Variants in ZNF26 observed in about 807,000 individuals in gnomAD.
ZNF26 encodes the protein zinc finger protein 26, also known as epididymis luminal protein 179.
Under a neutral mutation model 54.9 loss-of-function variants are expected in ZNF26, and 32 were observed. The ratio of observed to expected loss-of-function variants is 0.58; its 90% CI spans 0.44 to 0.78. ZNF26 has a LOEUF of 0.78. Ranked by LOEUF, ZNF26 falls within the 30% of genes least tolerant of loss-of-function variation. The probability of loss-of-function intolerance (pLI) is 0.00; values close to 1 mark genes in which losing one functional copy is unlikely to be tolerated. For synonymous variants in ZNF26, 221 were observed against 209.2 expected, an observed-to-expected ratio of 1.06 and a Z score of -0.49; for missense variants, 524 against 634.0, an observed-to-expected ratio of 0.83 and a Z score of 1.86.
In ZNF26 at chr12:133,020,268, A is replaced by G. The variant is rs1745008422; in HGVS notation, c.*8787A>G. The G allele has an allele frequency of 6.6e-6, 1 of 152,218 alleles. No individual in the cohort carries two copies. Among genetic ancestry groups the G allele is most frequent in the East Asian group, 1.9e-4 (1 of 5,208 alleles). The allele number at this position is 152,218 out of a possible 1,614,324, so 9.4% of individuals were successfully genotyped here. A position where few individuals can be genotyped will look rare whatever the true frequency, so the allele number is the denominator to read the frequency against. Reference sequence around the variant, plus strand: ...AATAAGTGAAATAAGCCAAGCACAGAAAGACAAATATTGCATGTTCTCACT... The same window carrying G: ...AATAAGTGAAATAAGCCAAGCACAGGAAGACAAATATTGCATGTTCTCACT... On this transcript the variant is annotated 3_prime_UTR_variant, in exon 4 of 4. Coordinates refer to ENST00000328654, the MANE Select transcript of ZNF26 (RefSeq NM_019591.4).
chr12:132,997,231 A>G (rs932391515), intron 1 of ZNF26, among the ~76,000 whole-genome samples: 1 of 152,242 alleles, frequency 6.6e-6, no homozygotes, highest in African/African-American at 2.4e-5. Context: ...TGAACTTCCA[A>G]GATGGAGTCC....
rs1251858540 is a variant in ZNF26 at position 133,024,468 on chromosome 12, C to T, written c.*12987C>T. On this transcript the variant is annotated 3_prime_UTR_variant, in exon 4 of 4. Transcript: ENST00000328654. The stretch of plus-strand genomic sequence containing the variant: ...TTTTCTAGACCCAGTGTTCAGGATG[C>T]TACCTGGCTCCTCATTGCTTATAAT... 1.3e-5 allele frequency: 2 copies of T among 152,134 alleles called. No individual in the cohort carries two copies. Among genetic ancestry groups the T allele is most frequent in the African/African-American group, 4.8e-5 (2 of 41,424 alleles). The allele number at this position is 152,134 out of a possible 1,614,324, so 9.4% of individuals were successfully genotyped here.
chr12:133,009,807 G>A (rs978014591), intron 3 of ZNF26, among the ~76,000 whole-genome samples: 54 of 152,180 alleles, frequency 3.5e-4, no homozygotes, highest in African/African-American at 9.2e-4. Context: ...AGGTTCAAGC[G>A]ATTCTTCTGC....
rs1174428700 is a variant in ZNF26 at position 133,001,021 on chromosome 12, C to A, written c.34-6021C>A. ...GAAGCAGCCACTTTGGGCTCCGTTT[C>A]GTCTTCTGCTGTCGACCTCCAGCTT... is the stretch of plus-strand genomic sequence containing the variant. On this transcript the variant is annotated intron_variant, in intron 1 of 3. Transcript: ENST00000328654. The surrounding 1 kb of genome is among the most constrained non-coding windows in gnomAD (Gnocchi z 4.7). 2.0e-5 allele frequency among the ~76,000 whole-genome samples: 3 copies of A among 152,172 alleles called. No individual in the cohort carries two copies. The highest frequency in any genetic ancestry group is 4.4e-5 in the Non-Finnish European group (3 of 68,034).
Position 133,014,876 on chromosome 12 carries a change from A to G in ZNF26, c.*3395A>G, listed in dbSNP as rs1216404379. On this transcript the variant is annotated 3_prime_UTR_variant, in exon 4 of 4. Transcript: ENST00000328654. ...GATGGTTTTAAAAGTTAGCTGTAGC[A>G]GCTAAGGCAAGACCAGATCCAACAC... 6.6e-6 allele frequency: 1 copy of G among 152,150 alleles called. No individual in the cohort carries two copies. Among genetic ancestry groups the G allele is most frequent in the Non-Finnish European group, 1.5e-5 (1 of 68,020 alleles). 9.4% of individuals were successfully genotyped at this position (152,150 alleles called of 1,614,324 possible).
chr12:132,991,869 C>A (rs1952969200), intron 1 of ZNF26, among the ~76,000 whole-genome samples: 1 of 151,948 alleles, frequency 6.6e-6, no homozygotes, highest in Non-Finnish European at 1.5e-5. Context: ...TATCTGTGGC[C>A]GGGCCTGGCG....
At chr12:133,000,981 C>T (rs1953207262) in intron 1 of ZNF26, among the ~76,000 whole-genome samples, 1 of 152,174 alleles carries the variant, frequency 6.6e-6, no homozygotes, top group South Asian at 2.1e-4. Context: ...TTCCCTCTTC[C>T]ATCCTGTGTC....
In ZNF26 at chr12:133,010,993, T is replaced by C; in HGVS notation, c.1114T>C (p.Cys372Arg). Residue 372 changes from cysteine to arginine, a missense_variant, in exon 4 of 4, where the codon TGC (cysteine) becomes CGC (arginine). Cys to Arg is a radical substitution (Grantham distance 180). Coordinates refer to ENST00000328654, the MANE Select transcript of ZNF26 (RefSeq NM_019591.4). ...TCACACAGGAAATAATCCTTATCAA[T>C]GCGGTGAATGTGGGAAAGCCTTTGG... ...GVHTGNNPYQ[C>R]GECGKAFGRK... 1 of 1,614,108 alleles carries C rather than the reference T, an allele frequency of 6.2e-7. No homozygotes were observed. Among genetic ancestry groups the C allele is most frequent in the Non-Finnish European group, 8.5e-7 (1 of 1,180,018 alleles).
rs1953587608 is a variant in ZNF26 at position 133,017,895 on chromosome 12, G to A, written c.*6414G>A. On this transcript the variant is annotated 3_prime_UTR_variant, in exon 4 of 4. Transcript: ENST00000328654. ...GTGGTGGCGGGCGCCTGTAGTCCCA[G>A]CTACTCGGGAGGCTGAGGCAGGAGA... 1 of 152,218 alleles carries A rather than the reference G, an allele frequency of 6.6e-6. No individual in the cohort carries two copies. Among genetic ancestry groups the A allele is most frequent in the South Asian group, 2.1e-4 (1 of 4,832 alleles). The allele number at this position is 152,218 out of a possible 1,614,324, so 9.4% of individuals were successfully genotyped here.
At position 133,011,649 on chromosome 12, in the gene ZNF26, A is replaced by G; in HGVS notation, c.*168A>G. ...TAAAAGCTTTCAGAAATAAGTTACA[A>G]ATCTTTGTAGATGAAAATAATGGAA... is the stretch of plus-strand genomic sequence containing the variant. On this transcript the variant is annotated 3_prime_UTR_variant, in exon 4 of 4. Coordinates refer to ENST00000328654, the MANE Select transcript of ZNF26 (RefSeq NM_019591.4). 1.9e-6 allele frequency: 1 copy of G among 533,582 alleles called. No individual in the cohort carries two copies. Among genetic ancestry groups the G allele is most frequent in the Non-Finnish European group, 3.0e-6 (1 of 329,584 alleles). 33.1% of individuals were successfully genotyped at this position (533,582 alleles called of 1,614,324 possible). A position where few individuals can be genotyped will look rare whatever the true frequency, so the allele number is the denominator to read the frequency against.
At chr12:132,998,525 G>A (rs1182726570) in intron 1 of ZNF26, among the ~76,000 whole-genome samples, 1 of 152,176 alleles carries the variant, frequency 6.6e-6, no homozygotes, top group Non-Finnish European at 1.5e-5. Context: ...AAGGCCAGAA[G>A]CCAAGCCAAG....
chr12:133,003,806 G>C (rs1364758218), intron 1 of ZNF26, among the ~76,000 whole-genome samples: 1 of 152,188 alleles, frequency 6.6e-6, no homozygotes, highest in South Asian at 2.1e-4. Flanking sequence ...CCCGAGTATT[G>C]ATGAGCCAGG....
intron 1 of ZNF26, among the ~76,000 whole-genome samples, chr12:133,003,992 A>T (rs936598943): frequency 1.3e-5 from 2 of 152,178 alleles, no homozygotes; most frequent in Admixed American, 1.3e-4. Context: ...GCTTTCATTG[A>T]TGTAGCATTT....
chr12:133,002,646 ATG>A (rs1953243754), intron 1 of ZNF26, among the ~76,000 whole-genome samples: 1 of 151,180 alleles, frequency 6.6e-6, no homozygotes, highest in African/African-American at 2.4e-5. Flanking sequence ...TTGTTTTGAG[ATG>A]TAGTCTTCTG....
At chr12:132,991,354 C>T (rs1043932300) in intron 1 of ZNF26, among the ~76,000 whole-genome samples, 3 of 151,114 alleles carry the variant, frequency 2.0e-5, no homozygotes, top group Admixed American at 6.6e-5. Context: ...AAGTTAGCGC[C>T]GGGCATGGTG....
Position 132,986,580 on chromosome 12 carries a change from T to C in ZNF26, c.-261T>C. On this transcript the variant is annotated 5_prime_UTR_variant, in exon 1 of 4. Coordinates refer to ENST00000328654, the MANE Select transcript of ZNF26 (RefSeq NM_019591.4). ...GGACGGGGCCAGATCAGCCTCCTGC[T>C]CTCCCGAGTCAGGGCCACGGAAAGG... 1.7e-6 allele frequency: 1 copy of C among 572,552 alleles called. No individual in the cohort carries two copies. Among genetic ancestry groups the C allele is most frequent in the Non-Finnish European group, 3.1e-6 (1 of 319,592 alleles). 35.5% of individuals were successfully genotyped at this position (572,552 alleles called of 1,614,324 possible).
At chr12:133,007,309 G>A (rs931640186) in intron 2 of ZNF26, 128 bp from the exon 3 acceptor site, 1 of 1,319,040 alleles carries the variant, frequency 7.6e-7, no homozygotes, top group Non-Finnish European at 1.1e-6. Flanking sequence ...CTTAGTCCCT[G>A]TTTGTCCCAC....
In ZNF26 at chr12:133,010,914, T is replaced by G. The variant is rs1297272164; in HGVS notation, c.1035T>G (p.Ser345Arg). 4.3e-6 allele frequency: 7 copies of G among 1,614,056 alleles called. No homozygotes were observed. Among genetic ancestry groups the G allele is most frequent in the Non-Finnish European group, 5.9e-6 (7 of 1,180,016 alleles). Residue 345 changes from serine to arginine, a missense_variant, in exon 4 of 4, where the codon AGT becomes AGG. Physicochemically the swap from Ser to Arg is moderately radical, Grantham distance 110 (BLOSUM62 -1). Coordinates refer to ENST00000328654, the MANE Select transcript of ZNF26 (RefSeq NM_019591.4). Reference protein sequence around the residue: ...MHTGEKPYQCSDCGKAFNMKT... With the variant: ...MHTGEKPYQCRDCGKAFNMKT... Reference sequence around the variant, plus strand: ...CAGGAGAAAAACCCTATCAATGCAGTGATTGTGGGAAAGCCTTCAATATGA... The same window carrying G: ...CAGGAGAAAAACCCTATCAATGCAGGGATTGTGGGAAAGCCTTCAATATGA...
Position 133,010,629 on chromosome 12 carries a change from A to G in ZNF26, c.750A>G (p.Glu250=). The G allele has an allele frequency of 6.2e-7, 1 of 1,614,236 alleles. No homozygotes were observed. Among genetic ancestry groups the G allele is most frequent in the Non-Finnish European group, 8.5e-7 (1 of 1,180,052 alleles). The change falls in exon 4 of 4, where the codon GAA becomes GAG. Residue 250 remains glutamate (E), a synonymous_variant. Transcript: ENST00000328654. ...GGTCACAGCTCATTGTCCATCAGGA[A>G]ATTCACACAGGAGGGAAACCCTATG... The part of the protein sequence containing the change: ...SFRSQLIVHQ[E]IHTGGKPYGC...
Sources: gnomAD v4.1 joint callset for allele counts (sites outside exome capture counted in the v4.1 genomes callset) on GRCh38, gnomAD v4.1.1 for gene constraint, Gnocchi (gnomAD v3.1) non-coding constraint, MANE v1.5 for transcripts, NCBI Gene and HGNC (gene_info 2026-07-23, HGNC 2026-07-21) for gene names.